The following CNTNAP5 variants were observed in gnomAD, a reference collection of about 807,000 sequenced individuals.
CNTNAP5 encodes the protein contactin associated protein family member 5.
In CNTNAP5, 72 loss-of-function variants were observed where a neutral mutation model predicts 150.2. The ratio of observed to expected loss-of-function variants is 0.48; its 90% CI spans 0.40 to 0.58. CNTNAP5 has a LOEUF of 0.58. Ranked by LOEUF, CNTNAP5 falls within the 20% of genes least tolerant of loss-of-function variation. The pLI, the probability that CNTNAP5 is intolerant of heterozygous loss-of-function variation, is 0.00. For missense variants in CNTNAP5, 1,636 were observed against 1,626.2 expected, an observed-to-expected ratio of 1.01 and a Z score of -0.10; for synonymous variants, 672 against 619.8, an observed-to-expected ratio of 1.08 and a Z score of -1.25.
chr2:124,317,169 G>A (rs1291421858), intron 3 of CNTNAP5, among the ~76,000 whole-genome samples: 1 of 152,116 alleles, frequency 6.6e-6, no homozygotes, highest in Non-Finnish European at 1.5e-5. Flanking sequence ...AACCTCACAT[G>A]ACTTCAGGGC....
At chr2:124,413,546 C>T (rs1330169428) in intron 3 of CNTNAP5, among the ~76,000 whole-genome samples, 3 of 134,756 alleles carry the variant, frequency 2.2e-5, no homozygotes, top group Admixed American at 7.7e-5. Context: ...GAATACTAGG[C>T]AGCCATAAAA....
chr2:124,381,292 T>C (rs1401067072), intron 3 of CNTNAP5, among the ~76,000 whole-genome samples: 2 of 152,126 alleles, frequency 1.3e-5, no homozygotes, highest in African/African-American at 4.8e-5. Context: ...GGGAGTGATG[T>C]GATCTTTTTT....
intron 10 of CNTNAP5, among the ~76,000 whole-genome samples, chr2:124,542,965 C>T (rs1367299730): frequency 6.6e-6 from 1 of 152,150 alleles, no homozygotes; most frequent in Non-Finnish European, 1.5e-5. Flanking sequence ...TCTTTAATGT[C>T]ATTGTATACC....
chr2:124,197,284 T>C (rs1685610631), intron 1 of CNTNAP5, among the ~76,000 whole-genome samples: 1 of 151,980 alleles, frequency 6.6e-6, no homozygotes, highest in African/African-American at 2.4e-5. Context: ...AATCCTTTGA[T>C]TTTCTTAAGA....
chr2:124,244,793 C>T (rs575850139), intron 3 of CNTNAP5, among the ~76,000 whole-genome samples: 1 of 152,192 alleles, frequency 6.6e-6, no homozygotes, highest in Non-Finnish European at 1.5e-5. Flanking sequence ...TACTAAACAC[C>T]TATTACACAA....
chr2:124,705,304 G>C (rs1396745552), intron 13 of CNTNAP5, among the ~76,000 whole-genome samples: 1 of 152,052 alleles, frequency 6.6e-6, no homozygotes, highest in Non-Finnish European at 1.5e-5. Flanking sequence ...GAGGCAGGGG[G>C]ATCACCTGAG....
intron 21 of CNTNAP5, among the ~76,000 whole-genome samples, chr2:124,881,555 G>C (rs1339356587): frequency 6.6e-6 from 1 of 152,084 alleles, no homozygotes; most frequent in Non-Finnish European, 1.5e-5. Context: ...CTCCAGTCCT[G>C]CTCAGCTGCT....
rs1558803843 is a variant in CNTNAP5, at chr2:124,860,464, C to CTTCT, written c.3218-4839_3218-4838insTTTC. On this transcript the variant is annotated intron_variant, in intron 19 of 23. Transcript: ENST00000682447. ...CCTTCCTTCCTTCTTTCCTTCCTTCCTTCCTTCCTTCCTTCCTTCCTTCCT... is the reference window on the plus strand; with the variant it reads ...CCTTCCTTCCTTCTTTCCTTCCTTCCTTCTTTCCTTCCTTCCTTCCTTCCTTCCT... 3.5e-4 allele frequency among the ~76,000 whole-genome samples: 20 copies of CTTCT among 57,312 alleles called. 2 individuals carry two copies. Among genetic ancestry groups the CTTCT allele is most frequent in the African/African-American group, 1.6e-3 (20 of 12,428 alleles). The allele number at this position is 57,312 out of a possible 152,430, so 37.6% of individuals were successfully genotyped here. A position where few individuals can be genotyped will look rare whatever the true frequency, so the allele number is the denominator to read the frequency against.
intron 8 of CNTNAP5, among the ~76,000 whole-genome samples, chr2:124,517,289 G>A (rs563566726): frequency 6.6e-6 from 1 of 151,248 alleles, no homozygotes; most frequent in South Asian, 2.1e-4. Context: ...GAGGGTTGTG[G>A]TGTTGGTGAT....
At chr2:124,608,990 T>G (rs1257432925) in intron 11 of CNTNAP5, among the ~76,000 whole-genome samples, 1 of 151,848 alleles carries the variant, frequency 6.6e-6, no homozygotes, top group Non-Finnish European at 1.5e-5. Context: ...AAAGCCATAC[T>G]GTATGTAAGC....
chr2:124,243,825 G>GA (rs977167305), intron 3 of CNTNAP5, among the ~76,000 whole-genome samples: 19 of 150,598 alleles, frequency 1.3e-4, no homozygotes, highest in African/African-American at 3.4e-4. Flanking sequence ...AGTTGAAAAA[G>GA]AAAAAAAATT....
At position 124,713,297 on chromosome 2, in the gene CNTNAP5, CTTTCTTCTT is replaced by C. The variant is rs1558746811; in HGVS notation, c.2078-33930_2078-33922del. On this transcript the variant is annotated intron_variant, in intron 13 of 23. Transcript: ENST00000682447. ...TCTTTCTTTCTTTCTTTCTTTCTTT[CTTTCTTCTT>C]TCTCTTTCTTTCCTTTCTTTCTTTC... Among the ~76,000 whole-genome samples, 90 of 102,694 alleles carry C rather than the reference CTTTCTTCTT, an allele frequency of 8.8e-4. 2 individuals carry two copies. Among genetic ancestry groups the C allele is most frequent in the Non-Finnish European group, 1.0e-3 (50 of 47,750 alleles). The allele number at this position is 102,694 out of a possible 152,430, so 67.4% of individuals were successfully genotyped here.
At chr2:124,685,523 A>T (rs547796069) in intron 13 of CNTNAP5, among the ~76,000 whole-genome samples, 27 of 152,324 alleles carry the variant, frequency 1.8e-4, no homozygotes, top group African/African-American at 6.5e-4. Context: ...GTGATGACTT[A>T]AGGTAGTGAA....
chr2:124,661,396 T>C (rs957854815), intron 13 of CNTNAP5, among the ~76,000 whole-genome samples: 10 of 152,116 alleles, frequency 6.6e-5, no homozygotes, highest in Non-Finnish European at 1.3e-4. Flanking sequence ...ATACACATAC[T>C]AAACTGGGCC....
intron 10 of CNTNAP5, among the ~76,000 whole-genome samples, chr2:124,551,951 G>C (rs372669675): frequency 6.6e-6 from 1 of 152,050 alleles, no homozygotes. Flanking sequence ...TTTAAGAGGG[G>C]TAGGCATGTG....
chr2:124,687,140 G>A (rs1332784288), intron 13 of CNTNAP5, among the ~76,000 whole-genome samples: 2 of 152,008 alleles, frequency 1.3e-5, no homozygotes, highest in East Asian at 1.9e-4. Flanking sequence ...GAGTTGCAAC[G>A]GAGAGAAGGG....
At chr2:124,221,998 C>T (rs1376565293) in intron 2 of CNTNAP5, among the ~76,000 whole-genome samples, 189 bp downstream of exon 2, 1 of 152,104 alleles carries the variant, frequency 6.6e-6, no homozygotes, top group African/African-American at 2.4e-5. Context: ...TCAAAGTATG[C>T]TGACTTGTGT....
chr2:124,717,074 A>G (rs193237955), intron 13 of CNTNAP5, among the ~76,000 whole-genome samples: 154 of 152,264 alleles, frequency 1.0e-3, no homozygotes, highest in African/African-American at 3.6e-3. Context: ...TGCTCCCACT[A>G]TATAATTATT....
chr2:124,193,570 T>C (rs1480146653), intron 1 of CNTNAP5, among the ~76,000 whole-genome samples: 1 of 152,182 alleles, frequency 6.6e-6, no homozygotes, highest in Non-Finnish European at 1.5e-5. Flanking sequence ...GAAATATCCC[T>C]GAAGCTCTAG....
Sources: allele counts gnomAD v4.1 joint callset (sites outside exome capture counted in the v4.1 genomes callset), GRCh38; gene constraint gnomAD v4.1.1; transcripts MANE v1.5; gene names NCBI Gene and HGNC (gene_info 2026-07-23, HGNC 2026-07-21).